TMTC2: variants seen among roughly 807,000 people sequenced by gnomAD.
TMTC2 encodes the protein transmembrane O-mannosyltransferase targeting cadherins 2.
In TMTC2, 43 loss-of-function variants were observed where a neutral mutation model predicts 82.4. That is an observed-to-expected ratio of 0.52 (90% CI 0.41 to 0.67). TMTC2 has a LOEUF of 0.67. Ranked by LOEUF, TMTC2 falls within the 30% of genes least tolerant of loss-of-function variation. TMTC2 has a pLI of 0.00. For missense variants in TMTC2, 919 were observed against 1,012.4 expected, an observed-to-expected ratio of 0.91 and a Z score of 1.25; for synonymous variants, 408 against 381.9, an observed-to-expected ratio of 1.07 and a Z score of -0.80.
At chr12:82,734,855 A>G (rs188290047) in intron 1 of TMTC2, among the ~76,000 whole-genome samples, 8 of 152,322 alleles carry the variant, frequency 5.3e-5, no homozygotes, top group South Asian at 2.1e-4. Flanking sequence ...CAGAAACTCA[A>G]TTTCCTTAGT....
At chr12:82,870,554 A>G (rs181060305) in intron 2 of TMTC2, among the ~76,000 whole-genome samples, 1 of 152,368 alleles carries the variant, frequency 6.6e-6, no homozygotes, top group East Asian at 1.9e-4. Flanking sequence ...AATTCTACAC[A>G]GCACCACTGC....
intron 11 of TMTC2, among the ~76,000 whole-genome samples, chr12:83,109,783 A>G (rs1371439686): frequency 2.0e-5 from 3 of 152,226 alleles, no homozygotes; most frequent in Admixed American, 6.5e-5. Flanking sequence ...ATACTTGGCA[A>G]AAATCAACAC....
At chr12:82,887,149 G>A (rs750067418) in intron 2 of TMTC2, among the ~76,000 whole-genome samples, 20 of 152,050 alleles carry the variant, frequency 1.3e-4, no homozygotes, top group African/African-American at 3.6e-4. Flanking sequence ...ATTTATTCTC[G>A]TTAGTTTGCC....
rs188310349 is a variant in TMTC2, at chr12:83,073,675, T to A, written c.2331+11844T>A. On this transcript the variant is annotated intron_variant, in intron 11 of 11. Coordinates refer to ENST00000321196, the MANE Select transcript of TMTC2 (RefSeq NM_152588.3). Reference sequence around the variant, plus strand: ...CTTTTTGGAGCCTTTGTTCATATATTTTTATTCCTTTTTCTTTGTCTTTGA... The same window carrying A: ...CTTTTTGGAGCCTTTGTTCATATATATTTATTCCTTTTTCTTTGTCTTTGA... Among the ~76,000 whole-genome samples the A allele has an allele frequency of 1.4e-3, 215 of 152,174 alleles. 2 individuals carry two copies. The highest frequency in any genetic ancestry group is 5.0e-3 in the African/African-American group (208 of 41,528).
At chr12:82,718,340 T>C (rs964484988) in intron 1 of TMTC2, among the ~76,000 whole-genome samples, 3 of 152,220 alleles carry the variant, frequency 2.0e-5, no homozygotes, top group African/African-American at 7.2e-5. Flanking sequence ...TGAACTAATA[T>C]TAACTACATA....
chr12:83,023,072 T>G (rs1353949748), intron 8 of TMTC2, among the ~76,000 whole-genome samples: 2 of 152,214 alleles, frequency 1.3e-5, no homozygotes, highest in Admixed American at 6.5e-5. Context: ...TTGGCTAGTG[T>G]GTCTGTGATT....
rs535305673 is a variant in TMTC2, at chr12:83,074,310, C to G, written c.2331+12479C>G. 4.6e-5 allele frequency among the ~76,000 whole-genome samples: 7 copies of G among 152,114 alleles called. 1 individual carries two copies. Among genetic ancestry groups the G allele is most frequent in the Admixed American group, 4.6e-4 (7 of 15,270 alleles). On this transcript the variant is annotated intron_variant, in intron 11 of 11. Transcript: ENST00000321196. The stretch of plus-strand genomic sequence containing the variant: ...CTGGTACTGGGGGTTGTCTGCACAG[C>G]GTCATATGATGTGAACCATCTGTGG...
chr12:82,727,964 G>A (rs1169856413), intron 1 of TMTC2, among the ~76,000 whole-genome samples: 2 of 152,008 alleles, frequency 1.3e-5, no homozygotes, highest in South Asian at 2.1e-4. Flanking sequence ...ACACTCTTGA[G>A]GTATAGTTTC....
intron 1 of TMTC2, among the ~76,000 whole-genome samples, chr12:82,719,338 C>T (rs976862708): frequency 9.9e-5 from 15 of 151,850 alleles, no homozygotes; most frequent in East Asian, 3.9e-4. Context: ...GTGATCCACC[C>T]GCCTTGGCCT....
chr12:82,773,543 C>T (rs1877426387), intron 1 of TMTC2, among the ~76,000 whole-genome samples: 1 of 151,868 alleles, frequency 6.6e-6, no homozygotes, highest in Admixed American at 6.6e-5. Context: ...TCACTGCAGC[C>T]TCTGCCTCCC....
intron 3 of TMTC2, among the ~76,000 whole-genome samples, chr12:82,918,689 T>G (rs775451399): frequency 2.6e-5 from 4 of 151,772 alleles, no homozygotes; most frequent in Non-Finnish European, 5.9e-5. Flanking sequence ...TTCATTTATC[T>G]TTTTATTTTA....
chr12:83,029,115 T>G (rs769889823), intron 8 of TMTC2, among the ~76,000 whole-genome samples: 4 of 147,044 alleles, frequency 2.7e-5, no homozygotes, highest in Non-Finnish European at 5.9e-5. Context: ...ACAATGAGTT[T>G]TTTGTTTTGT....
intron 11 of TMTC2, among the ~76,000 whole-genome samples, chr12:83,065,475 T>C (rs951680116): frequency 3.9e-5 from 6 of 151,906 alleles, no homozygotes; most frequent in African/African-American, 1.4e-4. Context: ...GTTAGAGAAG[T>C]CTATTTATTA....
intron 8 of TMTC2, among the ~76,000 whole-genome samples, chr12:83,012,389 AAG>A (rs1422433884): frequency 2.0e-5 from 3 of 152,194 alleles, no homozygotes; most frequent in Non-Finnish European, 2.9e-5. Flanking sequence ...TAAAGTAAGT[AAG>A]AGTCTGTAGA....
rs138703499 is a variant in TMTC2 at position 83,036,657 on chromosome 12, G to A, written c.2152+5778G>A. 1.2e-3 allele frequency among the ~76,000 whole-genome samples: 179 copies of A among 152,022 alleles called. 2 individuals carry two copies. The highest frequency in any genetic ancestry group is 2.5e-4 in the Non-Finnish European group (17 of 67,956). ...CCCAGCTCTTTCAACTTTTAAATCC[G>A]GAACTTTCTACTGTTATTATTATAC... On this transcript the variant is annotated intron_variant, in intron 9 of 11. Coordinates refer to ENST00000321196, the MANE Select transcript of TMTC2 (RefSeq NM_152588.3).
intron 1 of TMTC2, among the ~76,000 whole-genome samples, chr12:82,732,472 A>G (rs1006183689): frequency 6.6e-6 from 1 of 151,976 alleles, no homozygotes; most frequent in African/African-American, 2.4e-5. Context: ...CCTCCTGAAT[A>G]GCTGGGACTA....
At chr12:82,802,074 C>T (rs981021109) in intron 1 of TMTC2, among the ~76,000 whole-genome samples, 14 of 152,168 alleles carry the variant, frequency 9.2e-5, no homozygotes, top group Admixed American at 3.3e-4. Flanking sequence ...TGGAACTGGG[C>T]GCCATGGAGC....
chr12:82,821,880 C>T (rs1298021193), intron 1 of TMTC2, among the ~76,000 whole-genome samples: 2 of 141,714 alleles, frequency 1.4e-5, no homozygotes, highest in East Asian at 2.0e-4. Flanking sequence ...CAGAGCAAGA[C>T]TCCGTCTCAA....
intron 11 of TMTC2, among the ~76,000 whole-genome samples, chr12:83,123,525 A>T (rs1259689560): frequency 6.6e-6 from 1 of 152,166 alleles, no homozygotes. Flanking sequence ...TGCATTGCTT[A>T]TGGGGTTTTG....
Sources: gnomAD v4.1 joint callset for allele counts (sites outside exome capture counted in the v4.1 genomes callset) on GRCh38, gnomAD v4.1.1 for gene constraint, MANE v1.5 for transcripts, NCBI Gene and HGNC (gene_info 2026-07-23, HGNC 2026-07-21) for gene names.